The following ZNF680 variants were observed in gnomAD, a reference collection of about 807,000 sequenced individuals.
The protein encoded by ZNF680 is zinc finger protein 680.
ZNF680 carries 6 observed loss-of-function variants against 12.1 expected under a neutral mutation model. The ratio of observed to expected loss-of-function variants is 0.49; its 90% CI spans 0.27 to 0.98. The LOEUF is 0.98. ZNF680 is among the 50% of genes least tolerant of loss of function. ZNF680 has a pLI of 0.12. For synonymous variants in ZNF680, 170 were observed against 199.3 expected (o/e 0.85, Z 1.24); for missense variants, 561 against 616.3 (o/e 0.91, Z 0.95).
At chr7:64,503,378 C>CTTTTTT in the ZNF680 span, among the ~76,000 whole-genome samples, 12 of 89,888 alleles carry the variant, frequency 1.3e-4, no homozygotes, top group East Asian at 3.6e-4. Flanking sequence ...AACTGGAAGG[C>CTTTTTT]TTTTTTTTTT....
At chr7:64,501,096 C>T in the ZNF680 span, 85 of 954,586 alleles carry the variant, frequency 8.9e-5, no homozygotes, top group Middle Eastern at 3.3e-3. Flanking sequence ...CAAAAGTGAA[C>T]GGAGGAAAAG....
chr7:64,507,615 C>T, the ZNF680 span, among the ~76,000 whole-genome samples: 3 of 151,614 alleles, frequency 2.0e-5, no homozygotes, highest in East Asian at 5.8e-4. Flanking sequence ...GATTCTCCTG[C>T]CTCAGCCTCC....
chr7:64,549,472 A>G (rs1438386565), intron 1 of ZNF680, among the ~76,000 whole-genome samples: 1 of 152,160 alleles, frequency 6.6e-6, no homozygotes, highest in Middle Eastern at 3.2e-3. Flanking sequence ...AATGCAGAAC[A>G]TGCCTCCTGT....
intron 1 of ZNF680, among the ~76,000 whole-genome samples, chr7:64,559,251 T>G (rs1490919601): frequency 1.3e-5 from 2 of 152,180 alleles, no homozygotes; most frequent in African/African-American, 4.8e-5. Context: ...TTTATTTTCC[T>G]TCCACATATA....
At chr7:64,516,779 C>G (rs984432273), downstream of ZNF680, among the ~76,000 whole-genome samples, 13 of 152,160 alleles carry the variant, frequency 8.5e-5, no homozygotes, top group Admixed American at 2.6e-4. Context: ...TTTCTCTGAC[C>G]ACAGTGGAAT....
downstream of ZNF680, among the ~76,000 whole-genome samples, chr7:64,516,425 G>A (rs1487199872): frequency 6.6e-6 from 1 of 152,102 alleles, no homozygotes; most frequent in African/African-American, 2.4e-5. Flanking sequence ...TGCCCAAACT[G>A]TAAAAATGGA....
intron 3 of ZNF680, among the ~76,000 whole-genome samples, chr7:64,529,875 A>T (rs1207715095): frequency 6.6e-6 from 1 of 152,186 alleles, no homozygotes; most frequent in Admixed American, 6.5e-5. Flanking sequence ...GACAAGGAAA[A>T]ACATCTTAAG....
intron 3 of ZNF680, among the ~76,000 whole-genome samples, chr7:64,534,979 G>A (rs750228452): frequency 5.3e-5 from 7 of 133,316 alleles, no homozygotes; most frequent in Admixed American, 7.9e-5. Flanking sequence ...GCATAAGAAC[G>A]ATACAATAAA....
chr7:64,535,993 C>A (rs1034089695), intron 3 of ZNF680, among the ~76,000 whole-genome samples: 4 of 152,028 alleles, frequency 2.6e-5, no homozygotes, highest in Non-Finnish European at 5.9e-5. Flanking sequence ...TAGCATTAAT[C>A]AAAGATTGAT....
At chr7:64,553,741 A>ACGCC (rs36045044) in intron 1 of ZNF680, among the ~76,000 whole-genome samples, 10,298 of 152,220 alleles carry the variant, frequency 0.068, 506 homozygotes, top group Admixed American at 0.1. Flanking sequence ...GCGCGCCGCC[A>ACGCC]CGCCAGACTG....
downstream of ZNF680, among the ~76,000 whole-genome samples, chr7:64,518,958 A>G (rs117320788): frequency 0.012 from 1,806 of 152,212 alleles, 24 homozygotes; most frequent in Non-Finnish European, 0.02. Flanking sequence ...ATAAGAACCC[A>G]AAAGTAAATG....
chr7:64,504,872 G>T, the ZNF680 span, among the ~76,000 whole-genome samples: 1 of 152,140 alleles, frequency 6.6e-6, no homozygotes, highest in Non-Finnish European at 1.5e-5. Flanking sequence ...TTTATATGAT[G>T]ATTTGTGTGG....
At chr7:64,516,044 T>C (rs1275736895), downstream of ZNF680, among the ~76,000 whole-genome samples, 1 of 152,026 alleles carries the variant, frequency 6.6e-6, no homozygotes, top group Non-Finnish European at 1.5e-5. Context: ...AGTCACAAGA[T>C]CTCCAAAACA....
At chr7:64,504,588 A>G in the ZNF680 span, among the ~76,000 whole-genome samples, 3 of 152,214 alleles carry the variant, frequency 2.0e-5, no homozygotes, top group African/African-American at 7.2e-5. Context: ...TTTTTATAAT[A>G]TGGAAGAAAT....
chr7:64,549,115 G>A (rs1213499329), intron 1 of ZNF680, among the ~76,000 whole-genome samples: 4 of 145,220 alleles, frequency 2.8e-5, no homozygotes, highest in Admixed American at 7.0e-5. Flanking sequence ...GTGAGACTCC[G>A]CCTCAAAAAA....
intron 1 of ZNF680, among the ~76,000 whole-genome samples, chr7:64,554,230 G>GGCCA (rs1359408370): frequency 1.3e-5 from 2 of 151,170 alleles, no homozygotes; most frequent in Admixed American, 6.6e-5. Context: ...GCCTCTGCCC[G>GGCCA]GCCGCGACCC....
At chr7:64,531,453 C>G (rs1036143314) in intron 3 of ZNF680, among the ~76,000 whole-genome samples, 1 of 151,922 alleles carries the variant, frequency 6.6e-6, no homozygotes, top group Non-Finnish European at 1.5e-5. Flanking sequence ...AAAAATTAGC[C>G]AGGCATGGTG....
intron 3 of ZNF680, among the ~76,000 whole-genome samples, chr7:64,540,742 T>C (rs1164097056): frequency 6.7e-6 from 1 of 149,784 alleles, no homozygotes; most frequent in Admixed American, 6.7e-5. Flanking sequence ...AATATGGAAC[T>C]GCAAAACAAT....
chr7:64,543,092 A>G (rs1004475072), intron 3 of ZNF680, among the ~76,000 whole-genome samples: 3 of 151,718 alleles, frequency 2.0e-5, no homozygotes, highest in African/African-American at 7.3e-5. Flanking sequence ...TATGGATTCA[A>G]TGAACTCCCT....
Sources: gnomAD v4.1 joint callset for allele counts (sites outside exome capture counted in the v4.1 genomes callset) on GRCh38, gnomAD v4.1.1 for gene constraint, MANE v1.5 for transcripts, NCBI Gene and HGNC (gene_info 2026-07-23, HGNC 2026-07-21) for gene names.